Variants in AP1G1 observed in about 807,000 individuals in gnomAD.
AP1G1 encodes adaptor related protein complex 1 subunit gamma 1.
Under a neutral mutation model 108.3 loss-of-function variants are expected in AP1G1, and 7 were observed. The observed-to-expected ratio is 0.06, with a 90% CI of 0.04 to 0.12. AP1G1 has a LOEUF of 0.12. AP1G1 is among the 10% of genes least tolerant of loss of function. The pLI is 1.00. For synonymous variants in AP1G1, 379 were observed against 353.5 expected, an observed-to-expected ratio of 1.07 and a Z score of -0.81; for missense variants, 756 against 1,010.7, an observed-to-expected ratio of 0.75 and a Z score of 3.42.
intron 2 of AP1G1, among the ~76,000 whole-genome samples, chr16:71,782,061 T>C (rs1395923004): frequency 6.6e-6 from 1 of 152,224 alleles, no homozygotes; most frequent in Non-Finnish European, 1.5e-5. Context: ...CCTTCATTTA[T>C]TAGTTGGACT....
At chr16:71,767,929 T>C (rs916960032) in intron 6 of AP1G1, 2 of 1,592,880 alleles carry the variant, frequency 1.3e-6, no homozygotes, top group Non-Finnish European at 1.7e-6. Context: ...GAACAAAACA[T>C]ACAAAGCAAG....
chr16:71,797,084 A>G (rs917642891), intron 1 of AP1G1, among the ~76,000 whole-genome samples: 1 of 151,622 alleles, frequency 6.6e-6, no homozygotes, highest in Non-Finnish European at 1.5e-5. Context: ...CAAGTAAACA[A>G]TGATCGCTAA....
At chr16:71,807,039 T>A (rs1439732995) in intron 1 of AP1G1, among the ~76,000 whole-genome samples, 1 of 152,250 alleles carries the variant, frequency 6.6e-6, no homozygotes, top group Non-Finnish European at 1.5e-5. Flanking sequence ...ATTTCTCTTT[T>A]GCAGATGTGA....
intron 21 of AP1G1, among the ~76,000 whole-genome samples, chr16:71,737,899 T>C (rs112520116): frequency 5.9e-5 from 9 of 152,414 alleles, no homozygotes; most frequent in African/African-American, 2.2e-4. Context: ...CTATGTTCAT[T>C]CATTTACATG....
intron 9 of AP1G1, among the ~76,000 whole-genome samples, chr16:71,763,717 C>T (rs984142302): frequency 1.2e-4 from 19 of 152,014 alleles, no homozygotes; most frequent in African/African-American, 4.4e-4. Flanking sequence ...TATAATGCTA[C>T]CGACAAAAAG....
At chr16:71,754,356 GA>G (rs2030667140) in intron 12 of AP1G1, among the ~76,000 whole-genome samples, 4 of 151,896 alleles carry the variant, frequency 2.6e-5, no homozygotes, top group Non-Finnish European at 4.4e-5. Context: ...AAGAAAGAAA[GA>G]AAGGAAGGAA....
At position 71,754,186 on chromosome 16, in the gene AP1G1, AAAG is replaced by A. The variant is rs534364047; in HGVS notation, c.1230-302_1230-300del. ...CCTAGGAGGTTGAGGCTACAGTGAG[AAAG>A]AAGAGAGAGAAAAGAAAGAGAAGAA... is the stretch of plus-strand genomic sequence containing the variant. On this transcript the variant is annotated intron_variant, in intron 12 of 22. Coordinates refer to ENST00000299980, the MANE Select transcript of AP1G1 (RefSeq NM_001128.6). Among the ~76,000 whole-genome samples the A allele has an allele frequency of 4.7e-4, 72 of 151,822 alleles. No homozygotes were observed. The East Asian group carries it at 0.013, about 27-fold the overall frequency.
chr16:71,733,230 T>G, intron 22 of AP1G1, 71 bp from the exon 23 acceptor site: 6 of 1,257,912 alleles, frequency 4.8e-6, no homozygotes, highest in Non-Finnish European at 6.8e-6. Context: ...GGTCCACAAA[T>G]AGACTTTTAA....
intron 1 of AP1G1, among the ~76,000 whole-genome samples, chr16:71,802,841 C>T (rs1054855637): frequency 6.6e-6 from 1 of 152,134 alleles, no homozygotes; most frequent in African/African-American, 2.4e-5. Flanking sequence ...GGATTACAGA[C>T]ATGAGCCACC....
chr16:71,777,572 G>A, intron 2 of AP1G1: 3 of 371,674 alleles, frequency 8.1e-6, no homozygotes, highest in East Asian at 1.8e-4. Context: ...GGCCGAGAGA[G>A]GCCTCCCATC....
At chr16:71,734,497 G>T in intron 22 of AP1G1, 112 bp downstream of exon 22, 1 of 848,252 alleles carries the variant, frequency 1.2e-6, no homozygotes, top group Non-Finnish European at 1.9e-6. Flanking sequence ...CATTTTCATT[G>T]ATCTCTTCTC....
intron 1 of AP1G1, among the ~76,000 whole-genome samples, chr16:71,798,625 C>G (rs559407309): frequency 2.6e-5 from 4 of 151,940 alleles, no homozygotes; most frequent in Non-Finnish European, 1.5e-5. Context: ...CGGTGGCTCA[C>G]GCCTGTAATC....
intron 13 of AP1G1, 83 bp from the exon 14 acceptor site, chr16:71,750,415 T>A: frequency 1.3e-6 from 2 of 1,539,418 alleles, no homozygotes; most frequent in Non-Finnish European, 1.8e-6. Flanking sequence ...TACTGTGTGT[T>A]TTTTCCTTTC....
In AP1G1 at chr16:71,731,340, T is replaced by C. The variant is rs1281852598; in HGVS notation, c.*1718A>G. The C allele has an allele frequency of 6.6e-6, 1 of 152,578 alleles. No homozygotes were observed. Among genetic ancestry groups the C allele is most frequent in the Admixed American group, 6.5e-5 (1 of 15,278 alleles). 9.5% of individuals were successfully genotyped at this position (152,578 alleles called of 1,614,324 possible). A position where few individuals can be genotyped will look rare whatever the true frequency, so the allele number is the denominator to read the frequency against. On this transcript the variant is annotated 3_prime_UTR_variant, in exon 23 of 23. Transcript: ENST00000299980. ...TTTAGTTCAACTCCAGTTTGTCAAA[T>C]GTTAGGAATATTCCAGCATCTGATA...
intron 1 of AP1G1, among the ~76,000 whole-genome samples, chr16:71,805,430 G>GA (rs1229993387): frequency 1.3e-5 from 2 of 151,904 alleles, no homozygotes; most frequent in African/African-American, 2.4e-5. Context: ...CAGCCTGGGA[G>GA]ACAGAGTAAG....
At chr16:71,734,304 T>C (rs1249272890) in intron 22 of AP1G1, among the ~76,000 whole-genome samples, 1 of 152,238 alleles carries the variant, frequency 6.6e-6, no homozygotes, top group East Asian at 1.9e-4. Context: ...TTTCAACAAA[T>C]GCTCTTACCT....
At chr16:71,771,742 A>T (rs1415896425) in intron 4 of AP1G1, among the ~76,000 whole-genome samples, 3 of 152,228 alleles carry the variant, frequency 2.0e-5, no homozygotes, top group Non-Finnish European at 2.9e-5. Flanking sequence ...GTAAAAATAG[A>T]TAACAATCTC....
intron 6 of AP1G1, chr16:71,766,409 A>G (rs760232639): frequency 4.3e-6 from 2 of 468,622 alleles, no homozygotes; most frequent in Admixed American, 2.4e-5. Context: ...TTTACTGCCA[A>G]GCCGAAGATG....
intron 9 of AP1G1, among the ~76,000 whole-genome samples, chr16:71,762,473 T>C (rs913636092): frequency 1.3e-4 from 20 of 152,134 alleles, no homozygotes; most frequent in African/African-American, 4.8e-4. Context: ...ACCATGATAT[T>C]AGACGATTGG....
Sources: gnomAD v4.1 joint callset for allele counts (sites outside exome capture counted in the v4.1 genomes callset) on GRCh38, gnomAD v4.1.1 for gene constraint, MANE v1.5 for transcripts, NCBI Gene and HGNC (gene_info 2026-07-23, HGNC 2026-07-21) for gene names.